Variants in EXD3 observed in about 807,000 individuals in gnomAD.
The protein encoded by EXD3 is exonuclease mut-7 homolog.
A neutral mutation model predicts 98.0 loss-of-function variants in EXD3; 92 were observed. That is an observed-to-expected ratio of 0.94 (90% confidence interval 0.79 to 1.12). EXD3 has a LOEUF of 1.12. Among genes scored for constraint, EXD3 ranks in the 50% most tolerant of loss-of-function variants. The probability of loss-of-function intolerance (pLI) is 0.00; values close to 1 mark genes in which losing one functional copy is unlikely to be tolerated. For missense variants in EXD3, 1,222 were observed against 1,191.6 expected, an observed-to-expected ratio of 1.03 and a Z score of -0.38; for synonymous variants, 569 against 526.0, an observed-to-expected ratio of 1.08 and a Z score of -1.12.
At chr9:137,353,957 C>A (rs1437032985) in intron 10 of EXD3, 14 of 1,070,184 alleles carry the variant, frequency 1.3e-5, no homozygotes, top group East Asian at 6.2e-5. Context: ...CCGGCCGGCT[C>A]TGCGCTGGCA....
At chr9:137,335,029 A>G (rs1588285917) in intron 17 of EXD3, among the ~76,000 whole-genome samples, 1 of 151,888 alleles carries the variant, frequency 6.6e-6, no homozygotes, top group Non-Finnish European at 1.5e-5. Flanking sequence ...GTGAGCAGAG[A>G]TTGCACCACT....
chr9:137,371,005 C>A lies in EXD3; in HGVS notation c.462+1900G>T, dbSNP rs9696899. ...GAATGCGGCCTCTTTCGGCCGGGCG[C>A]GGCGGTGAGCAGTGGAGCATGCATC... On this transcript the variant is annotated intron_variant, in intron 5 of 21. Coordinates refer to ENST00000340951, the MANE Select transcript of EXD3 (RefSeq NM_017820.5). This position sits in a 1 kb window ranked among gnomAD's most constrained non-coding sequence, Gnocchi z 8.0. 0.011 allele frequency among the ~76,000 whole-genome samples: 1,605 copies of A among 152,302 alleles called. 32 individuals carry two copies. The highest frequency in any genetic ancestry group is 0.036 in the African/African-American group (1,482 of 41,566).
chr9:137,327,731 C>A (rs990770454), intron 17 of EXD3, among the ~76,000 whole-genome samples: 2 of 151,076 alleles, frequency 1.3e-5, no homozygotes, highest in Non-Finnish European at 3.0e-5. Context: ...CAAATATACA[C>A]CCACATGATG....
In EXD3 at chr9:137,379,830, C is replaced by T. The variant is rs73668258; in HGVS notation, c.120+3483G>A. ...CACAGCCCGCCTTCCCTCACTCCTG[C>T]TTCAGTCCCGTAAACCTTCTGCAAA... On this transcript the variant is annotated intron_variant, in intron 3 of 21. Transcript: ENST00000340951. Among the ~76,000 whole-genome samples the T allele has an allele frequency of 8.1e-3, 1,227 of 152,114 alleles. 19 individuals are homozygous for T. The highest frequency in any genetic ancestry group is 0.027 in the African/African-American group (1,107 of 41,446).
chr9:137,352,034 C>G lies in EXD3; in HGVS notation c.1173+32G>C, dbSNP rs778195647. 11 of 1,585,304 alleles carry G rather than the reference C, an allele frequency of 6.9e-6. No individual in the cohort carries two copies. The Admixed American group carries it at 1.6e-4, about 24-fold the overall frequency. On this transcript the variant is annotated intron_variant, in intron 12 of 21. Coordinates refer to ENST00000340951, the MANE Select transcript of EXD3 (RefSeq NM_017820.5). ...AGTGCCTGGCAGGGGGATCCCACCA[C>G]CGGGCGCTGCCCCAGCGGCCGAGGG...
At chr9:137,316,437 AG>A (rs1402865627) in intron 19 of EXD3, among the ~76,000 whole-genome samples, 3 of 151,666 alleles carry the variant, frequency 2.0e-5, no homozygotes, top group South Asian at 2.1e-4. Flanking sequence ...CCGCCCGCAG[AG>A]GGGGGTAGCC....
At chr9:137,353,348 G>A in intron 10 of EXD3, 1 of 985,410 alleles carries the variant, frequency 1.0e-6, no homozygotes, top group African/African-American at 1.7e-5. Flanking sequence ...CCGGGTCCCA[G>A]GAGCCCGGGC....
chr9:137,321,501 G>A (rs981092223), intron 19 of EXD3, among the ~76,000 whole-genome samples: 1 of 152,194 alleles, frequency 6.6e-6, no homozygotes, highest in African/African-American at 2.4e-5. Flanking sequence ...TGACCAACAT[G>A]GTGAAACCCT....
chr9:137,355,490 G>GA (rs748944988), intron 8 of EXD3, among the ~76,000 whole-genome samples: 385 of 27,844 alleles, frequency 0.014, 6 homozygotes, highest in East Asian at 0.025. Context: ...GAGGAAGGAG[G>GA]ATGGAGGAAG....
chr9:137,352,967 C>A, intron 10 of EXD3, 181 bp from the exon 11 acceptor site: 1 of 1,410,504 alleles, frequency 7.1e-7, no homozygotes, highest in Non-Finnish European at 9.2e-7. Context: ...TTCCACAGGA[C>A]CAAAGCGGCT....
chr9:137,373,877 C>T (rs950585242), intron 3 of EXD3, among the ~76,000 whole-genome samples: 2 of 152,256 alleles, frequency 1.3e-5, no homozygotes, highest in African/African-American at 2.4e-5. Flanking sequence ...TGGGAGGCAA[C>T]CGTAGCCCGA....
rs116947999 is a variant in EXD3 at position 137,414,496 on chromosome 9, C to T, written c.-48+8618G>A. On this transcript the variant is annotated intron_variant, in intron 1 of 21. Transcript: ENST00000340951. ...TCCTAGGACTGGAGCTGCTGAGTCTCGGTGTTTCTATGTTTAGCTTTTTGA... is the reference window on the plus strand; with the variant it reads ...TCCTAGGACTGGAGCTGCTGAGTCTTGGTGTTTCTATGTTTAGCTTTTTGA... Among the ~76,000 whole-genome samples, 657 of 152,264 alleles carry T rather than the reference C, an allele frequency of 4.3e-3. 14 individuals carry two copies. The highest frequency in any genetic ancestry group is 0.031 in the East Asian group (160 of 5,182).
At position 137,395,378 on chromosome 9, in the gene EXD3, C is replaced by T. The variant is rs766992976; in HGVS notation, c.-21G>A. ...TCCATCCTCAGGGCCGGGCCGAGGA[C>T]GCTGGCAGGCAGCTAGGAACGAGGA... On this transcript the variant is annotated 5_prime_UTR_variant, in exon 2 of 22. Coordinates refer to ENST00000340951, the MANE Select transcript of EXD3 (RefSeq NM_017820.5). The surrounding 1 kb of genome is among the most constrained non-coding windows in gnomAD (Gnocchi z 6.5). 38 of 1,613,094 alleles carry T rather than the reference C, an allele frequency of 2.4e-5. No individual in the cohort carries two copies. The highest frequency in any genetic ancestry group is 2.7e-5 in the Non-Finnish European group (32 of 1,179,776).
intron 20 of EXD3, 143 bp from the exon 21 acceptor site, chr9:137,307,789 A>T (rs1831126104): frequency 2.2e-6 from 2 of 911,340 alleles, no homozygotes; most frequent in Non-Finnish European, 3.3e-6. Flanking sequence ...GCCTTCGCAG[A>T]CGGGCAGAGG....
At chr9:137,398,810 GGCACCCGCGTCCCCGTGACACACGT>G (rs1564208806) in intron 1 of EXD3, among the ~76,000 whole-genome samples, 16 of 81,580 alleles carry the variant, frequency 2.0e-4, no homozygotes, top group Non-Finnish European at 3.5e-4. Context: ...GTGACACACA[GGCACCCGCGTCCCCGTGACACACGT>G]GCACCCGCAT....
intron 1 of EXD3, among the ~76,000 whole-genome samples, chr9:137,413,536 C>T (rs1360654261): frequency 6.9e-6 from 1 of 144,448 alleles, no homozygotes; most frequent in East Asian, 2.0e-4. Flanking sequence ...GACAGGGTCT[C>T]GCTCTGTCAC....
chr9:137,400,533 A>G (rs1334787844), intron 1 of EXD3, among the ~76,000 whole-genome samples: 1 of 152,138 alleles, frequency 6.6e-6, no homozygotes, highest in African/African-American at 2.4e-5. Context: ...TGGGAGGCCG[A>G]GGAGGGTGGA....
chr9:137,311,673 C>T (rs1831369126), intron 19 of EXD3, among the ~76,000 whole-genome samples: 1 of 152,194 alleles, frequency 6.6e-6, no homozygotes, highest in African/African-American at 2.4e-5. Context: ...ACCCACAAGG[C>T]CCTGGGAGGC....
rs969411245 is a variant in EXD3, at chr9:137,371,130, C to T, written c.462+1775G>A. On this transcript the variant is annotated intron_variant, in intron 5 of 21. Coordinates refer to ENST00000340951, the MANE Select transcript of EXD3 (RefSeq NM_017820.5). The surrounding 1 kb of genome is among the most constrained non-coding windows in gnomAD (Gnocchi z 8.0). ...GTGTGGGGATTCCTGCCTCGGAGCG[C>T]GAGGGAGGCGCATTCAGCCGGCCCC... Among the ~76,000 whole-genome samples, 16 of 152,194 alleles carry T rather than the reference C, an allele frequency of 1.1e-4. No homozygotes were observed. Among genetic ancestry groups the T allele is most frequent in the African/African-American group, 2.7e-4 (11 of 41,450 alleles).
Sources: gnomAD v4.1 joint callset for allele counts (sites outside exome capture counted in the v4.1 genomes callset) on GRCh38, gnomAD v4.1.1 for gene constraint, Gnocchi (gnomAD v3.1) non-coding constraint, MANE v1.5 for transcripts, NCBI Gene and HGNC (gene_info 2026-07-23, HGNC 2026-07-21) for gene names.